CFAP54: variants seen among roughly 807,000 people sequenced by gnomAD.
The protein encoded by CFAP54 is cilia and flagella associated protein 54.
In CFAP54, 290 loss-of-function variants were observed where a neutral mutation model predicts 370.4. The observed-to-expected ratio is 0.78, with a 90% CI of 0.71 to 0.86. The LOEUF is 0.86. Ranked by LOEUF, CFAP54 falls within the 40% of genes least tolerant of loss-of-function variation. The pLI is 0.00. For synonymous variants in CFAP54, 1,206 were observed against 1,236.5 expected, an observed-to-expected ratio of 0.98 and a Z score of 0.52; for missense variants, 3,399 against 3,528.7, an observed-to-expected ratio of 0.96 and a Z score of 0.93.
intron 65 of CFAP54, among the ~76,000 whole-genome samples, chr12:96,828,218 A>G (rs970596221): frequency 1.1e-4 from 16 of 151,000 alleles, no homozygotes; most frequent in African/African-American, 2.9e-4. Flanking sequence ...AACTACTTAC[A>G]GTAACTCAAG....
At chr12:96,773,871 A>G (rs567955214) in intron 60 of CFAP54, among the ~76,000 whole-genome samples, 3 of 152,346 alleles carry the variant, frequency 2.0e-5, no homozygotes, top group South Asian at 2.1e-4. Context: ...GTCAATTCCC[A>G]TAAAGCAAAT....
At chr12:96,661,186 T>A (rs1273818279) in intron 38 of CFAP54, among the ~76,000 whole-genome samples, 1 of 152,150 alleles carries the variant, frequency 6.6e-6, no homozygotes, top group Admixed American at 6.6e-5. Flanking sequence ...GGAATAGGGC[T>A]GAAAGTTCTT....
At chr12:96,544,410 A>ATCTCTCTCTCTCTCTCTC (rs71068815) in intron 14 of CFAP54, among the ~76,000 whole-genome samples, 125 of 148,096 alleles carry the variant, frequency 8.4e-4, no homozygotes, top group African/African-American at 3.0e-3. Context: ...AAAACAGAAT[A>ATCTCTCTCTCTCTCTCTC]TCTCTCTCTC....
intron 67 of CFAP54, among the ~76,000 whole-genome samples, chr12:96,871,779 A>G (rs1005414108): frequency 2.6e-5 from 4 of 152,216 alleles, no homozygotes; most frequent in Non-Finnish European, 5.9e-5. Context: ...CATTGAATGG[A>G]CTTAGCAAAT....
intron 50 of CFAP54, among the ~76,000 whole-genome samples, chr12:96,736,551 T>C (rs1214568326): frequency 6.6e-6 from 1 of 152,202 alleles, no homozygotes; most frequent in African/African-American, 2.4e-5. Flanking sequence ...GTTTGATGCT[T>C]TTCTTAGAAC....
chr12:96,646,837 C>A (rs987504918), intron 33 of CFAP54: 1 of 152,140 alleles, frequency 6.6e-6, no homozygotes, highest in African/African-American at 2.4e-5. Flanking sequence ...TCATTCTCAG[C>A]AAACTATCGC....
Position 96,539,709 on chromosome 12 carries a change from T to G in CFAP54, c.1927-1128T>G, listed in dbSNP as rs553085907. Among the ~76,000 whole-genome samples the G allele has an allele frequency of 2.2e-4, 33 of 152,044 alleles. No individual in the cohort carries two copies. In the East Asian group the frequency reaches 5.6e-3, roughly 26 times the overall value. On this transcript the variant is annotated intron_variant, in intron 13 of 67. Transcript: ENST00000524981. Reference sequence around the variant, plus strand: ...AAATAAAAATAAAAAATAAATATAATGTATCTGAGGTCATATGAGCTTGGA... The same window carrying G: ...AAATAAAAATAAAAAATAAATATAAGGTATCTGAGGTCATATGAGCTTGGA...
rs138220479 is a variant in CFAP54 at position 96,525,029 on chromosome 12, A to G, written c.1159-2217A>G. ...GTAGGATTATGGAATTGAAGGACAT[A>G]AACACTTTATTTCTCTTGATATATG... On this transcript the variant is annotated intron_variant, in intron 8 of 67. Transcript: ENST00000524981. 2.3e-3 allele frequency among the ~76,000 whole-genome samples: 346 copies of G among 152,242 alleles called. 1 individual carries two copies. Among genetic ancestry groups the G allele is most frequent in the African/African-American group, 7.7e-3 (321 of 41,548 alleles).
chr12:96,705,482 G>T (rs922910906), intron 47 of CFAP54, among the ~76,000 whole-genome samples: 1 of 151,580 alleles, frequency 6.6e-6, no homozygotes, highest in Non-Finnish European at 1.5e-5. Context: ...TGAAATAACT[G>T]GTATTAGGAA....
At chr12:96,781,433 G>A (rs1958579771) in intron 60 of CFAP54, among the ~76,000 whole-genome samples, 2 of 152,120 alleles carry the variant, frequency 1.3e-5, no homozygotes, top group African/African-American at 4.8e-5. Flanking sequence ...GTGACCCTTA[G>A]TGAAAGTAAT....
At chr12:96,749,410 A>C (rs1958158091) in intron 55 of CFAP54, among the ~76,000 whole-genome samples, 1 of 152,250 alleles carries the variant, frequency 6.6e-6, no homozygotes, top group Non-Finnish European at 1.5e-5. Context: ...ACATTTCAAC[A>C]TATGAATTTT....
Position 96,626,839 on chromosome 12 carries a change from T to G in CFAP54, c.4003T>G (p.Phe1335Val). 7.1e-7 allele frequency: 1 copy of G among 1,402,668 alleles called. No homozygotes were observed. The highest frequency in any genetic ancestry group is 9.4e-7 in the Non-Finnish European group (1 of 1,063,346). 86.9% of individuals were successfully genotyped at this position (1,402,668 alleles called of 1,614,324 possible). The part of the protein sequence containing the change: ...EVMKFKQKPR[F>V]LEFFTQVMLK... ...TATGAAATTTAAGCAAAAACCAAGA[T>G]TTCTGGAATTCTTTACACAAGTTAT... The change falls in exon 30 of 68, where the codon TTT becomes GTT. Residue 1335 changes from phenylalanine (F) to valine (V), a missense_variant. Physicochemically the swap from Phe to Val is conservative, Grantham distance 50. This residue lies in a region of CFAP54 where 2,796 missense variants were observed against 2,869.7 expected (regional missense o/e 0.97). Transcript: ENST00000524981.
At chr12:96,732,289 T>C (rs1284105435) in intron 50 of CFAP54, among the ~76,000 whole-genome samples, 1 of 152,112 alleles carries the variant, frequency 6.6e-6, no homozygotes. Context: ...TAGTGTGTGC[T>C]ACTGGCTAAT....
intron 22 of CFAP54, among the ~76,000 whole-genome samples, chr12:96,588,577 G>A (rs541167967): frequency 6.6e-5 from 10 of 152,216 alleles, no homozygotes; most frequent in Middle Eastern, 3.4e-3. Flanking sequence ...TGGCAGATTC[G>A]AGAGTTCTGG....
At chr12:96,789,818 T>C (rs189450218) in intron 62 of CFAP54, among the ~76,000 whole-genome samples, 114 of 152,308 alleles carry the variant, frequency 7.5e-4, no homozygotes, top group African/African-American at 2.6e-3. Flanking sequence ...GTCTCTTGCC[T>C]GACAGGTGAA....
intron 66 of CFAP54, among the ~76,000 whole-genome samples, chr12:96,856,104 G>A (rs991961945): frequency 7.2e-5 from 11 of 152,082 alleles, no homozygotes; most frequent in Admixed American, 1.3e-4. Context: ...GAGCTGTACC[G>A]TGGCCCCTTT....
intron 60 of CFAP54, among the ~76,000 whole-genome samples, chr12:96,781,991 T>G (rs1958585104): frequency 6.6e-6 from 1 of 152,134 alleles, no homozygotes; most frequent in African/African-American, 2.4e-5. Context: ...TATTAAAAGA[T>G]ACATCATGTC....
rs528985988 is a variant in CFAP54, at chr12:96,545,999, GT to G, written c.2078-1900del. On this transcript the variant is annotated intron_variant, in intron 14 of 67. Transcript: ENST00000524981. ...TTATGATAAAGTGATAAACATAACT[GT>G]TTCCCTGAATTCTGTGAGCCACTGT... is the stretch of plus-strand genomic sequence containing the variant. Among the ~76,000 whole-genome samples the G allele has an allele frequency of 2.0e-5, 3 of 152,292 alleles. No individual in the cohort carries two copies. In the South Asian group the frequency reaches 6.2e-4, roughly 32 times the overall value.
intron 66 of CFAP54, among the ~76,000 whole-genome samples, chr12:96,832,148 A>G (rs1959172942): frequency 1.3e-5 from 2 of 151,936 alleles, no homozygotes; most frequent in Non-Finnish European, 2.9e-5. Flanking sequence ...TCCCTGCATG[A>G]GCTCTCTCTC....
Sources: gnomAD v4.1 joint callset for allele counts (sites outside exome capture counted in the v4.1 genomes callset) on GRCh38, gnomAD v4.1.1 for gene constraint, gnomAD v4.1.1 regional missense constraint, MANE v1.5 for transcripts, NCBI Gene and HGNC (gene_info 2026-07-23, HGNC 2026-07-21) for gene names.